Variants in PDE1A observed in about 807,000 individuals in gnomAD.
PDE1A encodes phosphodiesterase 1A.
A neutral mutation model predicts 61.7 loss-of-function variants in PDE1A; 35 were observed. The ratio of observed to expected loss-of-function variants is 0.57; its 90% CI spans 0.43 to 0.75. The LOEUF is 0.75. PDE1A is among the 30% of genes least tolerant of loss of function. The probability of loss-of-function intolerance (pLI) is 0.00; values close to 1 mark genes in which losing one functional copy is unlikely to be tolerated. For missense variants in PDE1A, 597 were observed against 630.6 expected (o/e 0.95, Z 0.57); for synonymous variants, 232 against 213.2 (o/e 1.09, Z -0.77).
At chr2:182,431,295 G>A (rs1035408732), upstream of PDE1A, among the ~76,000 whole-genome samples, 11 of 152,030 alleles carry the variant, frequency 7.2e-5, no homozygotes, top group African/African-American at 2.4e-4. Flanking sequence ...AAGATAAAGT[G>A]TGCATGTGAT....
downstream of PDE1A, among the ~76,000 whole-genome samples, chr2:182,163,844 T>C (rs1691512104): frequency 6.6e-6 from 1 of 152,160 alleles, no homozygotes; most frequent in African/African-American, 2.4e-5. Context: ...ACTTGGGCCA[T>C]GTGACCCAAG....
chr2:182,383,504 A>C lies in PDE1A; in HGVS notation c.53+43074T>G, dbSNP rs114532082. ...GAAAGAAAATTTAAAAATAAATTTA[A>C]AACATATATAATACAAGGCGAAGGA... On this transcript the variant is annotated intron_variant, in intron 1 of 13. Transcript: ENST00000351439. Among the ~76,000 whole-genome samples, 612 of 152,338 alleles carry C rather than the reference A, an allele frequency of 4.0e-3. 1 individual carries two copies. Among genetic ancestry groups the C allele is most frequent in the Non-Finnish European group, 7.0e-3 (476 of 68,028 alleles).
the PDE1A span, among the ~76,000 whole-genome samples, chr2:182,580,057 G>T: frequency 5.3e-5 from 8 of 152,238 alleles, no homozygotes; most frequent in African/African-American, 1.9e-4. Context: ...CTACTCCTTT[G>T]ATAACTAAAA....
At chr2:182,579,382 G>A in the PDE1A span, among the ~76,000 whole-genome samples, 1 of 152,170 alleles carries the variant, frequency 6.6e-6, no homozygotes, top group Non-Finnish European at 1.5e-5. Context: ...CAAGGTGGCA[G>A]GCATATAATA....
chr2:182,305,844 A>T (rs1346498563), intron 1 of PDE1A, among the ~76,000 whole-genome samples: 1 of 152,132 alleles, frequency 6.6e-6, no homozygotes, highest in Non-Finnish European at 1.5e-5. Flanking sequence ...AATCAAGCTA[A>T]TTAACATATC....
At chr2:182,189,329 G>A (rs989687545) in intron 10 of PDE1A, among the ~76,000 whole-genome samples, 3 of 152,112 alleles carry the variant, frequency 2.0e-5, no homozygotes, top group African/African-American at 7.2e-5. Context: ...TGACTTTTAA[G>A]AAACAAACAT....
At chr2:182,654,836 T>G in the PDE1A span, among the ~76,000 whole-genome samples, 1 of 152,162 alleles carries the variant, frequency 6.6e-6, no homozygotes, top group African/African-American at 2.4e-5. Flanking sequence ...TTTTTTTCCA[T>G]TTCTTGATGT....
the PDE1A span, among the ~76,000 whole-genome samples, chr2:182,675,033 G>T: frequency 1.0e-3 from 159 of 152,106 alleles, 1 homozygote; most frequent in Non-Finnish European, 2.0e-3. Context: ...GGTGTTTGTT[G>T]TACAGATTAT....
At chr2:182,170,771 G>C (rs1692135803) in intron 13 of PDE1A, among the ~76,000 whole-genome samples, 1 of 151,932 alleles carries the variant, frequency 6.6e-6, no homozygotes, top group South Asian at 2.1e-4. Flanking sequence ...GGAACATAAA[G>C]ATGTAGTTAG....
chr2:182,641,882 T>C, the PDE1A span, among the ~76,000 whole-genome samples: 1 of 152,210 alleles, frequency 6.6e-6, no homozygotes, highest in African/African-American at 2.4e-5. Flanking sequence ...CAATCTTCAA[T>C]TGTCGAAAGG....
At chr2:182,451,807 C>G (rs1199218561) in intron 2 of PDE1A, among the ~76,000 whole-genome samples, 3 of 152,074 alleles carry the variant, frequency 2.0e-5, no homozygotes, top group Admixed American at 2.0e-4. Flanking sequence ...CTCTCTCCTA[C>G]TGCCTCCACG....
At chr2:182,342,913 C>T (rs1243329456) in intron 1 of PDE1A, among the ~76,000 whole-genome samples, 4 of 152,184 alleles carry the variant, frequency 2.6e-5, no homozygotes, top group Non-Finnish European at 4.4e-5. Flanking sequence ...AAGACACTTT[C>T]TCTGTCCCTT....
At chr2:182,386,033 TTGG>T (rs1472906181) in intron 1 of PDE1A, among the ~76,000 whole-genome samples, 1 of 152,186 alleles carries the variant, frequency 6.6e-6, no homozygotes, top group Non-Finnish European at 1.5e-5. Flanking sequence ...CTGTGTTTTT[TTGG>T]TGGAGACGGG....
the PDE1A span, among the ~76,000 whole-genome samples, chr2:182,644,113 T>A: frequency 7.8e-6 from 1 of 128,362 alleles, no homozygotes; most frequent in Non-Finnish European, 1.7e-5. Context: ...AGATACCTTC[T>A]CTCTAATCAA....
At chr2:182,490,966 AG>A (rs1688350731) in intron 2 of PDE1A, among the ~76,000 whole-genome samples, 2 of 152,164 alleles carry the variant, frequency 1.3e-5, no homozygotes, top group South Asian at 4.1e-4. Flanking sequence ...AGTAGGAAGC[AG>A]GGGGGAAGGA....
intron 1 of PDE1A, among the ~76,000 whole-genome samples, chr2:182,271,919 T>C (rs1057213251): frequency 6.6e-6 from 1 of 152,044 alleles, no homozygotes; most frequent in African/African-American, 2.4e-5. Context: ...AAGAGATTGA[T>C]ACATGATGCA....
At chr2:182,307,614 G>A (rs1293562281) in intron 1 of PDE1A, among the ~76,000 whole-genome samples, 1 of 152,108 alleles carries the variant, frequency 6.6e-6, no homozygotes, top group East Asian at 1.9e-4. Context: ...GAAAATGAAA[G>A]TTAAAACCAA....
At chr2:182,626,380 G>A in the PDE1A span, among the ~76,000 whole-genome samples, 1 of 151,978 alleles carries the variant, frequency 6.6e-6, no homozygotes, top group East Asian at 1.9e-4. Flanking sequence ...GGAAGCAAAG[G>A]ACACCTGAAT....
chr2:182,624,082 G>A, the PDE1A span, among the ~76,000 whole-genome samples: 11 of 141,080 alleles, frequency 7.8e-5, no homozygotes, highest in African/African-American at 2.4e-4. Flanking sequence ...CTGAGATCAC[G>A]CCACTGCACT....
Sources: gnomAD v4.1 joint callset for allele counts (sites outside exome capture counted in the v4.1 genomes callset) on GRCh38, gnomAD v4.1.1 for gene constraint, MANE v1.5 for transcripts, NCBI Gene and HGNC (gene_info 2026-07-23, HGNC 2026-07-21) for gene names.